The following CTNNA3 variants were observed in gnomAD, a reference collection of about 807,000 sequenced individuals.
CTNNA3 encodes the protein catenin alpha-3.
A neutral mutation model predicts 95.7 loss-of-function variants in CTNNA3; 76 were observed. The observed-to-expected ratio is 0.79, with a 90% CI of 0.66 to 0.96. The LOEUF (loss-of-function observed/expected upper bound fraction) is 0.96, where lower values mean the gene tolerates loss of function less well. Ranked by LOEUF, CTNNA3 falls within the 40% of genes least tolerant of loss-of-function variation. The pLI is 0.00. For missense variants in CTNNA3, 1,191 were observed against 1,089.8 expected (o/e 1.09, Z -1.31); for synonymous variants, 431 against 374.4 (o/e 1.15, Z -1.74).
At chr10:65,997,342 C>T (rs1220381979) in intron 15 of CTNNA3, among the ~76,000 whole-genome samples, 1 of 152,202 alleles carries the variant, frequency 6.6e-6, no homozygotes, top group Non-Finnish European at 1.5e-5. Context: ...ATCTGTTGAT[C>T]TAAAATAATC....
At chr10:66,058,594 A>G (rs564423398) in intron 15 of CTNNA3, among the ~76,000 whole-genome samples, 1 of 152,292 alleles carries the variant, frequency 6.6e-6, no homozygotes, top group East Asian at 1.9e-4. Context: ...TCTCCTGGAC[A>G]TGAGGAAAGC....
intron 3 of CTNNA3, among the ~76,000 whole-genome samples, chr10:67,564,361 G>C (rs922471845): frequency 1.3e-5 from 2 of 149,088 alleles, no homozygotes; most frequent in African/African-American, 5.0e-5. Flanking sequence ...GATGGAGCTG[G>C]TAACCACCAT....
intron 3 of CTNNA3, among the ~76,000 whole-genome samples, chr10:67,574,315 G>A (rs932843598): frequency 2.0e-5 from 3 of 152,104 alleles, no homozygotes; most frequent in Admixed American, 1.3e-4. Context: ...TCCCTACAAT[G>A]AAATATGAAA....
chr10:67,099,798 C>T (rs4746658), intron 7 of CTNNA3: 5 of 151,844 alleles, frequency 3.3e-5, no homozygotes, highest in Admixed American at 1.3e-4. Context: ...CATTTTAAAT[C>T]TAATTTTAAT....
At chr10:67,651,384 C>G (rs540455098) in intron 1 of CTNNA3, among the ~76,000 whole-genome samples, 1 of 152,152 alleles carries the variant, frequency 6.6e-6, no homozygotes, top group African/African-American at 2.4e-5. Context: ...CTTCCTAACA[C>G]CTTATCCTGT....
Position 66,570,279 on chromosome 10 carries a change from G to GT in CTNNA3, c.1375-49507dup, listed in dbSNP as rs778625823. 2.9e-3 allele frequency among the ~76,000 whole-genome samples: 406 copies of GT among 138,820 alleles called. 4 individuals are homozygous for GT. The highest frequency in any genetic ancestry group is 0.018 in the Middle Eastern group (5 of 284). 91.1% of individuals were successfully genotyped at this position (138,820 alleles called of 152,430 possible). A position where few individuals can be genotyped will look rare whatever the true frequency, so the allele number is the denominator to read the frequency against. On this transcript the variant is annotated intron_variant, in intron 10 of 17. Transcript: ENST00000433211. Reference sequence around the variant, plus strand: ...CTTATACCTTTCAAAAATATGATTTGTTTTGTTTTGTTTTGTTTTGTTTTG... The same window carrying GT: ...CTTATACCTTTCAAAAATATGATTTGTTTTTGTTTTGTTTTGTTTTGTTTTG...
Position 66,558,214 on chromosome 10 carries a change from C to G in CTNNA3, c.1375-37441G>C, listed in dbSNP as rs1166041204. 2.0e-5 allele frequency among the ~76,000 whole-genome samples: 3 copies of G among 152,132 alleles called. 1 individual carries two copies. Among genetic ancestry groups the G allele is most frequent in the Non-Finnish European group, 4.4e-5 (3 of 68,012 alleles). ...TCTGGGCTTGACCTCCCAGATCCTG[C>G]TGTCAGACATGAAGCCTTCAGTTAT... is the stretch of plus-strand genomic sequence containing the variant. On this transcript the variant is annotated intron_variant, in intron 10 of 17. Transcript: ENST00000433211.
intron 12 of CTNNA3, among the ~76,000 whole-genome samples, chr10:66,349,772 G>A (rs1458887365): frequency 2.0e-5 from 3 of 151,892 alleles, no homozygotes; most frequent in Non-Finnish European, 2.9e-5. Flanking sequence ...GAAATAAGGT[G>A]GTTTTATGGT....
intron 5 of CTNNA3, among the ~76,000 whole-genome samples, chr10:67,381,710 T>A (rs1159419967): frequency 1.3e-5 from 2 of 152,134 alleles, no homozygotes; most frequent in South Asian, 4.1e-4. Flanking sequence ...ATACATACAG[T>A]CTCCAGATAC....
chr10:67,354,464 T>C (rs1356074518), intron 5 of CTNNA3, among the ~76,000 whole-genome samples: 2 of 152,084 alleles, frequency 1.3e-5, no homozygotes, highest in Admixed American at 6.6e-5. Flanking sequence ...ATTATTCATT[T>C]ACATTTTTTA....
chr10:67,228,619 A>C (rs1865044455), intron 5 of CTNNA3, among the ~76,000 whole-genome samples: 1 of 152,096 alleles, frequency 6.6e-6, no homozygotes, highest in Non-Finnish European at 1.5e-5. Flanking sequence ...ATCTCAAAAA[A>C]AAAATAGAAA....
chr10:66,763,152 C>T (rs1028208297), intron 9 of CTNNA3, among the ~76,000 whole-genome samples: 2 of 152,020 alleles, frequency 1.3e-5, no homozygotes, highest in Admixed American at 6.6e-5. Context: ...TATATTTAGG[C>T]TCTCCTATTT....
chr10:67,368,740 GA>G (rs35088148), intron 5 of CTNNA3, among the ~76,000 whole-genome samples: 1 of 152,160 alleles, frequency 6.6e-6, no homozygotes, highest in South Asian at 2.1e-4. Context: ...TATGCTGAGT[GA>G]AAAAAAGCTA....
At chr10:67,492,653 C>G (rs1838887890) in intron 5 of CTNNA3, among the ~76,000 whole-genome samples, 1 of 152,180 alleles carries the variant, frequency 6.6e-6, no homozygotes, top group Admixed American at 6.5e-5. Context: ...GAGAAATCCA[C>G]TGTAAGGAAG....
intron 13 of CTNNA3, among the ~76,000 whole-genome samples, chr10:66,133,369 G>A (rs2083208108): frequency 6.6e-6 from 1 of 151,928 alleles, no homozygotes; most frequent in Non-Finnish European, 1.5e-5. Context: ...ACAAAAATTA[G>A]CCAGGCGTGG....
At chr10:67,591,996 C>T (rs1328045424) in intron 3 of CTNNA3, among the ~76,000 whole-genome samples, 1 of 152,120 alleles carries the variant, frequency 6.6e-6, no homozygotes, top group Non-Finnish European at 1.5e-5. Flanking sequence ...ATCGAACTGC[C>T]AGTTCAGCAT....
intron 10 of CTNNA3, among the ~76,000 whole-genome samples, chr10:66,603,829 A>T (rs1420952417): frequency 6.6e-6 from 1 of 152,210 alleles, no homozygotes; most frequent in African/African-American, 2.4e-5. Context: ...TACATCAGGG[A>T]AAGACAGTCT....
chr10:67,627,451 C>CA (rs891787363), intron 2 of CTNNA3, among the ~76,000 whole-genome samples: 3 of 151,300 alleles, frequency 2.0e-5, no homozygotes, highest in East Asian at 1.9e-4. Context: ...TTTGCTTTTT[C>CA]AAAAAAAATA....
intron 11 of CTNNA3, among the ~76,000 whole-genome samples, chr10:66,400,053 A>T (rs2132555698): frequency 6.6e-6 from 1 of 152,188 alleles, no homozygotes. Flanking sequence ...ACAGACATAT[A>T]TGTGTGCATA....
Sources: gnomAD v4.1 joint callset for allele counts (sites outside exome capture counted in the v4.1 genomes callset) on GRCh38, gnomAD v4.1.1 for gene constraint, MANE v1.5 for transcripts, NCBI Gene and HGNC (gene_info 2026-07-23, HGNC 2026-07-21) for gene names.